The following NHLRC2 variants were observed in gnomAD, a reference collection of about 807,000 sequenced individuals.
NHLRC2 encodes NHL repeat-containing protein 2.
Under a neutral mutation model 68.1 loss-of-function variants are expected in NHLRC2, and 33 were observed. The observed-to-expected ratio is 0.48, with a 90% CI of 0.37 to 0.65. The LOEUF is 0.65. Ranked by LOEUF, NHLRC2 falls within the 30% of genes least tolerant of loss-of-function variation. NHLRC2 has a pLI of 0.00. For missense variants in NHLRC2, 761 were observed against 853.8 expected (o/e 0.89, Z 1.35); for synonymous variants, 311 against 309.6 (o/e 1.00, Z -0.05).
intron 9 of NHLRC2, among the ~76,000 whole-genome samples, chr10:113,904,433 C>A (rs1044200386): frequency 6.6e-6 from 1 of 152,112 alleles, no homozygotes; most frequent in African/African-American, 2.4e-5. Context: ...ACATAAATGT[C>A]ATTTCTCTTC....
intron 2 of NHLRC2, among the ~76,000 whole-genome samples, chr10:113,867,170 C>G (rs1029772041): frequency 2.0e-5 from 3 of 152,212 alleles, no homozygotes; most frequent in Non-Finnish European, 2.9e-5. Flanking sequence ...CTCATCAGTT[C>G]TAGGAATGGT....
intron 1 of NHLRC2, 76 bp from the exon 2 acceptor site, chr10:113,858,452 C>T (rs1845782322): frequency 2.0e-6 from 2 of 1,017,014 alleles, no homozygotes; most frequent in Admixed American, 2.4e-5. Flanking sequence ...AAAAAAAGGT[C>T]ACATTTTAAT....
intron 5 of NHLRC2, among the ~76,000 whole-genome samples, chr10:113,885,380 G>A (rs552979480): frequency 1.3e-5 from 2 of 151,990 alleles, no homozygotes; most frequent in South Asian, 2.1e-4. Flanking sequence ...GCTCACCGAA[G>A]GGGATAGTAT....
At chr10:113,893,741 G>A (rs1447369379) in intron 5 of NHLRC2, among the ~76,000 whole-genome samples, 1 of 152,120 alleles carries the variant, frequency 6.6e-6, no homozygotes, top group African/African-American at 2.4e-5. Flanking sequence ...AGCCCCAGCT[G>A]AGCTAGACCG....
At chr10:113,896,784 G>A (rs1846181958) in intron 5 of NHLRC2, among the ~76,000 whole-genome samples, 1 of 152,124 alleles carries the variant, frequency 6.6e-6, no homozygotes, top group African/African-American at 2.4e-5. Context: ...CACGAGGTTA[G>A]GAGATCGAGA....
rs576852554 is a variant in NHLRC2 at position 113,865,288 on chromosome 10, C to CT, written c.331+6608_331+6609insT. On this transcript the variant is annotated intron_variant, in intron 2 of 10. Transcript: ENST00000369301. ...TTTAAAAATCGCTTTTCATCCCCCC[C>CT]CCCCGTTCCTCTCACCATATAATAG... is the stretch of plus-strand genomic sequence containing the variant. 7.0e-3 allele frequency among the ~76,000 whole-genome samples: 993 copies of CT among 141,628 alleles called. 6 individuals carry two copies. The highest frequency in any genetic ancestry group is 0.012 in the Non-Finnish European group (806 of 64,760). The allele number at this position is 141,628 out of a possible 152,430, so 92.9% of individuals were successfully genotyped here. A position where few individuals can be genotyped will look rare whatever the true frequency, so the allele number is the denominator to read the frequency against.
rs1161258109 is a variant in NHLRC2 at position 113,909,043 on chromosome 10, A to G, written c.*507A>G. 1 of 154,894 alleles carries G rather than the reference A, an allele frequency of 6.5e-6. No individual in the cohort carries two copies. Among genetic ancestry groups the G allele is most frequent in the African/African-American group, 2.4e-5 (1 of 41,446 alleles). 9.6% of individuals were successfully genotyped at this position (154,894 alleles called of 1,614,324 possible). On this transcript the variant is annotated 3_prime_UTR_variant, in exon 11 of 11. Coordinates refer to ENST00000369301, the MANE Select transcript of NHLRC2 (RefSeq NM_198514.4). The stretch of plus-strand genomic sequence containing the variant: ...TAAGCCAAAAAAAAGTCTTTTCATC[A>G]CTGTAGAAGCTTAAGGAGTACATCA...
At chr10:113,900,591 T>C (rs1846219090) in intron 6 of NHLRC2, among the ~76,000 whole-genome samples, 1 of 152,210 alleles carries the variant, frequency 6.6e-6, no homozygotes, top group African/African-American at 2.4e-5. Context: ...AAAGTTATTG[T>C]TTCTCCCTAC....
intron 5 of NHLRC2, among the ~76,000 whole-genome samples, chr10:113,886,367 C>T (rs1307360556): frequency 6.6e-6 from 1 of 151,970 alleles, no homozygotes; most frequent in African/African-American, 2.4e-5. Context: ...TGTGATTTTT[C>T]TTAGAAATAG....
At chr10:113,870,560 T>G (rs1403775420) in intron 2 of NHLRC2, among the ~76,000 whole-genome samples, 2 of 152,246 alleles carry the variant, frequency 1.3e-5, no homozygotes, top group African/African-American at 4.8e-5. Flanking sequence ...GTGTTGGCTC[T>G]TAGATCATTC....
intron 5 of NHLRC2, 61 bp downstream of exon 5, chr10:113,884,441 TA>T: frequency 7.0e-7 from 1 of 1,420,378 alleles, no homozygotes; most frequent in Non-Finnish European, 9.8e-7. Flanking sequence ...GATTTAAAAA[TA>T]TTCTTGAGGT....
At chr10:113,888,059 A>G (rs1318366816) in intron 5 of NHLRC2, among the ~76,000 whole-genome samples, 1 of 152,206 alleles carries the variant, frequency 6.6e-6, no homozygotes, top group Non-Finnish European at 1.5e-5. Context: ...GCAAGACACT[A>G]TTTCTACAAA....
At chr10:113,869,735 A>T (rs554589164) in intron 2 of NHLRC2, among the ~76,000 whole-genome samples, 1 of 152,198 alleles carries the variant, frequency 6.6e-6, no homozygotes, top group Non-Finnish European at 1.5e-5. Flanking sequence ...TAAATATTAC[A>T]TATATATAAT....
rs927563352 is a variant in NHLRC2 at position 113,916,959 on chromosome 10, G to A, written c.*8423G>A. On this transcript the variant is annotated 3_prime_UTR_variant, in exon 11 of 11. Coordinates refer to ENST00000369301, the MANE Select transcript of NHLRC2 (RefSeq NM_198514.4). ...GATTAATATATTTTTGTACAACATTGTATTTCTACATTTATTTCAAGACTG... is the reference window on the plus strand; with the variant it reads ...GATTAATATATTTTTGTACAACATTATATTTCTACATTTATTTCAAGACTG... 2 of 152,114 alleles carry A rather than the reference G, an allele frequency of 1.3e-5. No homozygotes were observed. The highest frequency in any genetic ancestry group is 4.8e-5 in the African/African-American group (2 of 41,426). The allele number at this position is 152,114 out of a possible 1,614,324, so 9.4% of individuals were successfully genotyped here. A position where few individuals can be genotyped will look rare whatever the true frequency, so the allele number is the denominator to read the frequency against.
intron 7 of NHLRC2, 29 bp downstream of exon 7, chr10:113,901,926 C>G: frequency 7.0e-7 from 1 of 1,432,202 alleles, no homozygotes; most frequent in South Asian, 1.2e-5. Flanking sequence ...GCACAGTGCG[C>G]TCGGACACTG....
chr10:113,915,304 C>T lies in NHLRC2; in HGVS notation c.*6768C>T. ...TATACTAAAAAGCACTAAACAAGCA[C>T]AAATGAACACTAAATAGCCTTATAC... On this transcript the variant is annotated 3_prime_UTR_variant, in exon 11 of 11. Transcript: ENST00000369301. 2.2e-6 allele frequency: 1 copy of T among 449,926 alleles called. No individual in the cohort carries two copies. Among genetic ancestry groups the T allele is most frequent in the Non-Finnish European group, 4.5e-6 (1 of 223,618 alleles). 27.9% of individuals were successfully genotyped at this position (449,926 alleles called of 1,614,324 possible).
chr10:113,885,293 A>T (rs1232394584), intron 5 of NHLRC2, among the ~76,000 whole-genome samples: 2 of 151,876 alleles, frequency 1.3e-5, no homozygotes, highest in Non-Finnish European at 3.0e-5. Context: ...CGCACTTAAC[A>T]CTTAAGTATT....
Position 113,876,777 on chromosome 10 carries a change from G to A in NHLRC2, c.588G>A (p.Lys196=), listed in dbSNP as rs1845985635. The change falls in exon 3 of 11, where the codon AAG becomes AAA. Residue 196 remains lysine (K), a synonymous_variant. Transcript: ENST00000369301. ...TTTTATATACTTCAATTGCTTTAAA[G>A]TATTACAAAGACAGGGGGCAGATCA... ...KLFLYTSIAL[K]YYKDRGQIRD... is the part of the protein sequence containing the mutation. The A allele has an allele frequency of 1.9e-6, 3 of 1,611,388 alleles. No individual in the cohort carries two copies. The highest frequency in any genetic ancestry group is 2.5e-6 in the Non-Finnish European group (3 of 1,177,852).
At chr10:113,906,296 G>A (rs532281819) in intron 10 of NHLRC2, among the ~76,000 whole-genome samples, 62 of 152,128 alleles carry the variant, frequency 4.1e-4, no homozygotes, top group Admixed American at 2.1e-3. Context: ...TTCAAATAAA[G>A]TAGTCTATAG....
Sources: gnomAD v4.1 joint callset for allele counts (sites outside exome capture counted in the v4.1 genomes callset) on GRCh38, gnomAD v4.1.1 for gene constraint, MANE v1.5 for transcripts, NCBI Gene and HGNC (gene_info 2026-07-23, HGNC 2026-07-21) for gene names.